PTPRK: variants seen among roughly 807,000 people sequenced by gnomAD.
PTPRK encodes receptor-type tyrosine-protein phosphatase kappa.
A neutral mutation model predicts 178.0 loss-of-function variants in PTPRK; 75 were observed. The observed-to-expected ratio is 0.42, with a 90% CI of 0.35 to 0.51. PTPRK has a LOEUF of 0.51. Ranked by LOEUF, PTPRK falls within the 20% of genes least tolerant of loss-of-function variation. The probability of loss-of-function intolerance (pLI) is 0.02; values close to 1 mark genes in which losing one functional copy is unlikely to be tolerated. For synonymous variants in PTPRK, 637 were observed against 620.6 expected, an observed-to-expected ratio of 1.03 and a Z score of -0.39; for missense variants, 1,441 against 1,797.8, an observed-to-expected ratio of 0.80 and a Z score of 3.59.
intron 7 of PTPRK, among the ~76,000 whole-genome samples, chr6:128,093,596 CAAAAAAAAAAAAAAA>C (rs1172145765): frequency 4.8e-4 from 3 of 6,274 alleles, no homozygotes; most frequent in East Asian, 5.7e-3. Flanking sequence ...GACTCTCTCT[CAAAAAAAAAAAAAAA>C]AAAAAAAAAA....
At chr6:128,069,884 G>T (rs931605791) in intron 11 of PTPRK, among the ~76,000 whole-genome samples, 10 of 152,028 alleles carry the variant, frequency 6.6e-5, no homozygotes, top group Non-Finnish European at 1.3e-4. Context: ...AAGAGTAAAG[G>T]AAGAAAAGGT....
chr6:127,969,308 A>G lies in PTPRK; in HGVS notation c.*919T>C, dbSNP rs938356305. On this transcript the variant is annotated 3_prime_UTR_variant, in exon 30 of 30. Transcript: ENST00000368226. ...ATTATTTACCTAATGAAATTGTGAA[A>G]AACTATACATATTCAGCAAAATGTT... 2 of 152,216 alleles carry G rather than the reference A, an allele frequency of 1.3e-5. No homozygotes were observed. The highest frequency in any genetic ancestry group is 4.8e-5 in the African/African-American group (2 of 41,452). The allele number at this position is 152,216 out of a possible 1,614,324, so 9.4% of individuals were successfully genotyped here. A position where few individuals can be genotyped will look rare whatever the true frequency, so the allele number is the denominator to read the frequency against.
chr6:128,184,292 G>T, intron 7 of PTPRK, 140 bp downstream of exon 7: 1 of 881,208 alleles, frequency 1.1e-6, no homozygotes, highest in Non-Finnish European at 1.7e-6. Context: ...TCAAGGTGAT[G>T]ATTTATGTAA....
At chr6:128,475,837 T>C (rs1268738265) in intron 1 of PTPRK, among the ~76,000 whole-genome samples, 1 of 151,944 alleles carries the variant, frequency 6.6e-6, no homozygotes, top group Non-Finnish European at 1.5e-5. Context: ...GTTGCTATTT[T>C]GGAGAAAAAG....
rs553424553 is a variant in PTPRK, at chr6:128,170,005, G to T, written c.1162+14427C>A. Reference sequence around the variant, plus strand: ...AATGAATATCTTCAAATTATAGTAGGCATCTTCCTTTTGTTTTTACTCAGA... The same window carrying T: ...AATGAATATCTTCAAATTATAGTAGTCATCTTCCTTTTGTTTTTACTCAGA... On this transcript the variant is annotated intron_variant, in intron 7 of 29. Transcript: ENST00000368226. Among the ~76,000 whole-genome samples the T allele has an allele frequency of 1.5e-4, 23 of 152,074 alleles. 1 individual carries two copies. Among genetic ancestry groups the T allele is most frequent in the Admixed American group, 5.9e-4 (9 of 15,256 alleles).
rs192655351 is a variant in PTPRK, at chr6:128,338,584, G to C, written c.224-16274C>G. Among the ~76,000 whole-genome samples the C allele has an allele frequency of 3.9e-3, 589 of 152,280 alleles. 4 individuals carry two copies. Among genetic ancestry groups the C allele is most frequent in the African/African-American group, 0.013 (549 of 41,556 alleles). ...AATAATAACTCAAGTATATCCACCA[G>C]TGGAGACCTACTGCTGGGTGCAGAC... On this transcript the variant is annotated intron_variant, in intron 2 of 29. Coordinates refer to ENST00000368226, the MANE Select transcript of PTPRK (RefSeq NM_002844.4).
chr6:128,473,856 G>A (rs1851039225), intron 1 of PTPRK, among the ~76,000 whole-genome samples: 1 of 151,944 alleles, frequency 6.6e-6, no homozygotes, highest in African/African-American at 2.4e-5. Context: ...TTTCATTCTA[G>A]AATGAGCATC....
Position 127,970,102 on chromosome 6 carries a change from C to G in PTPRK, c.*125G>C. On this transcript the variant is annotated 3_prime_UTR_variant, in exon 30 of 30. Transcript: ENST00000368226. The stretch of plus-strand genomic sequence containing the variant: ...TCATAAAAAAAATACTTTTACCTCT[C>G]AAATGTAAAAGTCTCCCACCCCCCA... The G allele has an allele frequency of 1.6e-6, 1 of 625,888 alleles. No homozygotes were observed. Among genetic ancestry groups the G allele is most frequent in the Admixed American group, 3.3e-5 (1 of 30,568 alleles). The allele number at this position is 625,888 out of a possible 1,614,324, so 38.8% of individuals were successfully genotyped here. A position where few individuals can be genotyped will look rare whatever the true frequency, so the allele number is the denominator to read the frequency against.
At chr6:128,315,530 T>G (rs1189353577) in intron 3 of PTPRK, among the ~76,000 whole-genome samples, 1 of 152,126 alleles carries the variant, frequency 6.6e-6, no homozygotes, top group Non-Finnish European at 1.5e-5. Context: ...TAAGAACACC[T>G]TTTGAAAATC....
chr6:128,470,331 C>A (rs1850450575), intron 1 of PTPRK, among the ~76,000 whole-genome samples: 1 of 151,270 alleles, frequency 6.6e-6, no homozygotes, highest in Admixed American at 6.6e-5. Flanking sequence ...TTTTTGTGTC[C>A]TGAATGCTAA....
In PTPRK at chr6:128,155,316, T is replaced by C. The variant is rs1797811820; in HGVS notation, c.1162+29116A>G. Among the ~76,000 whole-genome samples the C allele has an allele frequency of 4.6e-5, 7 of 151,798 alleles. No homozygotes were observed. In the South Asian group the frequency reaches 1.0e-3, roughly 23 times the overall value. On this transcript the variant is annotated intron_variant, in intron 7 of 29. Coordinates refer to ENST00000368226, the MANE Select transcript of PTPRK (RefSeq NM_002844.4). ...TTTGGAATATTAACAGCCATTAAAA[T>C]CATCACCTAAATCCATTTTATTAAG...
chr6:127,998,011 T>G (rs1777356370), intron 16 of PTPRK, among the ~76,000 whole-genome samples: 1 of 152,122 alleles, frequency 6.6e-6, no homozygotes, highest in African/African-American at 2.4e-5. Context: ...GATTGGTATT[T>G]CTCAGTAAGT....
At chr6:128,035,231 T>C (rs1776011682) in intron 13 of PTPRK, among the ~76,000 whole-genome samples, 1 of 152,114 alleles carries the variant, frequency 6.6e-6, no homozygotes, top group Non-Finnish European at 1.5e-5. Flanking sequence ...CCAGGCGTTG[T>C]AGCAAGTGCC....
intron 13 of PTPRK, among the ~76,000 whole-genome samples, chr6:128,039,291 A>G (rs1249191740): frequency 6.6e-6 from 1 of 152,188 alleles, no homozygotes; most frequent in Non-Finnish European, 1.5e-5. Flanking sequence ...CACTATTTTA[A>G]GTTCAAAAAT....
intron 21 of PTPRK, among the ~76,000 whole-genome samples, chr6:127,986,941 A>G (rs903992631): frequency 2.6e-5 from 4 of 152,188 alleles, no homozygotes; most frequent in African/African-American, 9.6e-5. Context: ...ATCAATAAAT[A>G]ACTGTAACAA....
intron 7 of PTPRK, 56 bp downstream of exon 7, chr6:128,184,376 T>A: frequency 6.6e-7 from 1 of 1,523,258 alleles, no homozygotes; most frequent in South Asian, 1.2e-5. Flanking sequence ...CATGTATTAA[T>A]GTGTCTTATG....
chr6:128,148,348 T>C (rs949023048), intron 7 of PTPRK, among the ~76,000 whole-genome samples: 1 of 152,246 alleles, frequency 6.6e-6, no homozygotes, highest in African/African-American at 2.4e-5. Flanking sequence ...AAAATATTCA[T>C]TGAAAAATGT....
intron 7 of PTPRK, among the ~76,000 whole-genome samples, chr6:128,172,697 T>C (rs142102755): frequency 9.2e-5 from 14 of 151,806 alleles, no homozygotes; most frequent in African/African-American, 3.4e-4. Flanking sequence ...AATGTATATA[T>C]ACTAGATATA....
At chr6:128,357,940 C>T (rs747710787) in intron 2 of PTPRK, among the ~76,000 whole-genome samples, 2 of 152,132 alleles carry the variant, frequency 1.3e-5, no homozygotes, top group African/African-American at 2.4e-5. Context: ...TTCAGTCACC[C>T]GTTTTGCCAT....
Sources: allele counts gnomAD v4.1 joint callset (sites outside exome capture counted in the v4.1 genomes callset), GRCh38; gene constraint gnomAD v4.1.1; transcripts MANE v1.5; gene names NCBI Gene and HGNC (gene_info 2026-07-23, HGNC 2026-07-21).